Variants in PRKG1 observed in about 807,000 individuals in gnomAD.
PRKG1 encodes cGMP-dependent protein kinase 1.
Under a neutral mutation model 88.1 loss-of-function variants are expected in PRKG1, and 35 were observed. The observed-to-expected ratio is 0.40, with a 90% CI of 0.30 to 0.53. PRKG1 has a LOEUF of 0.53. Among genes scored for constraint, PRKG1 ranks in the 20% least tolerant of loss-of-function variants. The pLI, the probability that PRKG1 is intolerant of heterozygous loss-of-function variation, is 0.59. For missense variants in PRKG1, 540 were observed against 839.8 expected (o/e 0.64, Z 4.41); for synonymous variants, 303 against 292.5 (o/e 1.04, Z -0.37).
intron 2 of PRKG1, among the ~76,000 whole-genome samples, chr10:51,197,249 A>G (rs1355669006): frequency 6.6e-6 from 1 of 152,074 alleles, no homozygotes; most frequent in Non-Finnish European, 1.5e-5. Flanking sequence ...GTGTTTTGAG[A>G]TATCGTGTTT....
upstream of PRKG1, among the ~76,000 whole-genome samples, chr10:51,074,017 A>G (rs970143370): frequency 6.6e-6 from 1 of 152,020 alleles, no homozygotes; most frequent in African/African-American, 2.4e-5. Context: ...AACATTCTCC[A>G]GGCTGGTCTG....
intron 3 of PRKG1, among the ~76,000 whole-genome samples, chr10:51,553,478 A>G (rs543061596): frequency 5.9e-5 from 9 of 151,750 alleles, no homozygotes; most frequent in African/African-American, 1.9e-4. Context: ...GAAAAGAAAC[A>G]GTTTTAACCA....
At chr10:51,817,725 T>C (rs1276895642) in intron 4 of PRKG1, among the ~76,000 whole-genome samples, 1 of 152,196 alleles carries the variant, frequency 6.6e-6, no homozygotes, top group Non-Finnish European at 1.5e-5. Context: ...CAAAATAATC[T>C]AGGACCAACC....
At chr10:51,938,436 C>CT (rs1168445934) in intron 5 of PRKG1, among the ~76,000 whole-genome samples, 1 of 151,842 alleles carries the variant, frequency 6.6e-6, no homozygotes, top group African/African-American at 2.4e-5. Flanking sequence ...TCATTGTTGG[C>CT]TTTTTATGAA....
chr10:51,630,072 A>C lies in PRKG1; in HGVS notation c.592+162236A>C, dbSNP rs531074909. Among the ~76,000 whole-genome samples, 184 of 152,308 alleles carry C rather than the reference A, an allele frequency of 1.2e-3. 2 individuals carry two copies. The highest frequency in any genetic ancestry group is 4.1e-3 in the African/African-American group (171 of 41,580). On this transcript the variant is annotated intron_variant, in intron 3 of 17. Coordinates refer to ENST00000373980, the MANE Select transcript of PRKG1 (RefSeq NM_006258.4). ...GTTGAAAACGTCACACAAGTTAAGC[A>C]AGTTTTGCAACGCATTCTGTGTCAT...
At chr10:51,398,309 T>C (rs293230) in intron 2 of PRKG1, among the ~76,000 whole-genome samples, 126,276 of 152,118 alleles carry the variant, frequency 0.83, 52,891 homozygotes, top group African/African-American at 0.87. Flanking sequence ...CTCACATGCA[T>C]AGTTGACAGT....
intron 3 of PRKG1, among the ~76,000 whole-genome samples, chr10:51,521,472 T>C (rs1841735227): frequency 6.6e-6 from 1 of 152,204 alleles, no homozygotes; most frequent in Non-Finnish European, 1.5e-5. Flanking sequence ...TTGACTAAAC[T>C]GTTGGGCCAC....
chr10:51,876,127 A>G (rs1327290711), intron 4 of PRKG1, among the ~76,000 whole-genome samples: 2 of 152,018 alleles, frequency 1.3e-5, no homozygotes, highest in African/African-American at 2.4e-5. Flanking sequence ...TCCTAAAGAG[A>G]GCTAATTAAT....
chr10:52,233,097 A>G (rs1008096020), intron 9 of PRKG1, among the ~76,000 whole-genome samples: 3 of 151,932 alleles, frequency 2.0e-5, no homozygotes, highest in South Asian at 2.1e-4. Context: ...GCCTTGCAAA[A>G]CCCAATTAAT....
chr10:51,224,423 A>C (rs1295163730), intron 2 of PRKG1, among the ~76,000 whole-genome samples: 1 of 152,242 alleles, frequency 6.6e-6, no homozygotes, highest in East Asian at 1.9e-4. Flanking sequence ...ATTGTCTAGC[A>C]ATGAATATTT....
intron 3 of PRKG1, among the ~76,000 whole-genome samples, chr10:51,630,012 C>T (rs988827005): frequency 6.6e-6 from 1 of 152,180 alleles, no homozygotes; most frequent in African/African-American, 2.4e-5. Context: ...AGTTGTCATT[C>T]TCCCCTGAAG....
At chr10:51,014,861 G>A (rs1423206642) in intron 1 of PRKG1, among the ~76,000 whole-genome samples, 4 of 152,156 alleles carry the variant, frequency 2.6e-5, no homozygotes, top group Non-Finnish European at 4.4e-5. Flanking sequence ...AGACTCTGTC[G>A]TCTGACTTAG....
intron 1 of PRKG1, among the ~76,000 whole-genome samples, chr10:51,001,520 GT>G (rs570887587): frequency 6.6e-6 from 1 of 152,142 alleles, no homozygotes; most frequent in Non-Finnish European, 1.5e-5. Flanking sequence ...AAAACTATGT[GT>G]TTTTTGTATT....
intron 3 of PRKG1, among the ~76,000 whole-genome samples, chr10:51,795,908 T>A (rs889425421): frequency 6.6e-6 from 1 of 152,078 alleles, no homozygotes; most frequent in Non-Finnish European, 1.5e-5. Context: ...CTGAGAATGT[T>A]CCCTGAAAAA....
intron 4 of PRKG1, among the ~76,000 whole-genome samples, chr10:51,845,687 C>A (rs1840379389): frequency 1.3e-5 from 2 of 152,102 alleles, no homozygotes; most frequent in South Asian, 2.1e-4. Flanking sequence ...ATCTTATGGA[C>A]ATGTTATGTG....
chr10:51,659,817 G>GT (rs1840250895), intron 3 of PRKG1, among the ~76,000 whole-genome samples: 1 of 152,054 alleles, frequency 6.6e-6, no homozygotes, highest in African/African-American at 2.4e-5. Context: ...AGCTTTGTTA[G>GT]TTTTTGAAAT....
chr10:52,040,982 G>A (rs978364356), intron 5 of PRKG1, among the ~76,000 whole-genome samples: 10 of 151,432 alleles, frequency 6.6e-5, no homozygotes, highest in Non-Finnish European at 1.0e-4. Context: ...GATTACAGGC[G>A]CCCGCCACCA....
chr10:51,325,107 T>C (rs1374140548), intron 2 of PRKG1, among the ~76,000 whole-genome samples: 1 of 152,210 alleles, frequency 6.6e-6, no homozygotes, highest in East Asian at 1.9e-4. Context: ...TGGTTTTAAT[T>C]TGCATTTCCC....
intron 8 of PRKG1, among the ~76,000 whole-genome samples, chr10:52,141,498 G>A (rs1177666619): frequency 6.6e-6 from 1 of 152,006 alleles, no homozygotes; most frequent in Admixed American, 6.6e-5. Context: ...GAGCTTACTG[G>A]TTACCTGCCA....
Sources: allele counts gnomAD v4.1 joint callset (sites outside exome capture counted in the v4.1 genomes callset), GRCh38; gene constraint gnomAD v4.1.1; transcripts MANE v1.5; gene names NCBI Gene and HGNC (gene_info 2026-07-23, HGNC 2026-07-21).